The following CENPW variants were observed in gnomAD, a reference collection of about 807,000 sequenced individuals.
The protein encoded by CENPW is cancer-up-regulated gene 2 protein.
Under a neutral mutation model 11.1 loss-of-function variants are expected in CENPW, and 3 were observed. That is an observed-to-expected ratio of 0.27 (90% CI 0.12 to 0.70). CENPW has a LOEUF of 0.70. Among genes scored for constraint, CENPW ranks in the 30% least tolerant of loss-of-function variants. CENPW has a pLI of 0.77. For missense variants in CENPW, 100 were observed against 105.6 expected, an observed-to-expected ratio of 0.95 and a Z score of 0.23; for synonymous variants, 38 against 42.0, an observed-to-expected ratio of 0.91 and a Z score of 0.37.
the CENPW span, among the ~76,000 whole-genome samples, chr6:126,460,399 A>T: frequency 6.6e-6 from 1 of 151,682 alleles, no homozygotes; most frequent in Non-Finnish European, 1.5e-5. Context: ...GGGATTTTTG[A>T]CTTTATTATT....
chr6:126,447,836 T>C, the CENPW span, among the ~76,000 whole-genome samples: 7 of 151,392 alleles, frequency 4.6e-5, no homozygotes, highest in South Asian at 1.5e-3. Flanking sequence ...CTCCTGGAAC[T>C]GGAATCGAGG....
chr6:126,416,382 T>G, the CENPW span, among the ~76,000 whole-genome samples: 1 of 152,068 alleles, frequency 6.6e-6, no homozygotes, highest in Non-Finnish European at 1.5e-5. Context: ...GACAATGTGA[T>G]AGAAAAGAAA....
chr6:126,420,572 C>T, the CENPW span, among the ~76,000 whole-genome samples: 1 of 152,072 alleles, frequency 6.6e-6, no homozygotes, highest in African/African-American at 2.4e-5. Context: ...GTGGGAGAGT[C>T]TATAGGAACT....
chr6:126,372,926 T>A, the CENPW span, among the ~76,000 whole-genome samples: 3 of 152,212 alleles, frequency 2.0e-5, no homozygotes, highest in Non-Finnish European at 4.4e-5. Context: ...AATGTTAGTC[T>A]TAGTCATTTG....
chr6:126,340,510 C>T (rs971014146), intron 1 of CENPW, 111 bp downstream of exon 1: 5 of 1,486,010 alleles, frequency 3.4e-6, no homozygotes, highest in Non-Finnish European at 4.6e-6. Flanking sequence ...TTTCAGGCCC[C>T]TGTTTAAGGC....
At chr6:126,469,851 G>C in the CENPW span, among the ~76,000 whole-genome samples, 1 of 152,202 alleles carries the variant, frequency 6.6e-6, no homozygotes, top group African/African-American at 2.4e-5. Context: ...AGAGTATTTG[G>C]TGGAAGAAAT....
chr6:126,436,681 G>A, the CENPW span, among the ~76,000 whole-genome samples: 1 of 151,836 alleles, frequency 6.6e-6, no homozygotes, highest in African/African-American at 2.4e-5. Flanking sequence ...CCTTTAGAAT[G>A]TTTAAAATCT....
chr6:126,465,090 T>C, the CENPW span, among the ~76,000 whole-genome samples: 2 of 152,068 alleles, frequency 1.3e-5, no homozygotes, highest in Non-Finnish European at 2.9e-5. Context: ...TCACAAAGGA[T>C]ATGATCATTT....
At chr6:126,451,476 G>A in the CENPW span, among the ~76,000 whole-genome samples, 4 of 151,134 alleles carry the variant, frequency 2.6e-5, no homozygotes, top group South Asian at 2.1e-4. Context: ...GTTCCAGCTC[G>A]AGGAAAAGGA....
chr6:126,433,278 T>C, the CENPW span, among the ~76,000 whole-genome samples: 160 of 152,324 alleles, frequency 1.1e-3, 1 homozygote, highest in East Asian at 5.0e-3. Flanking sequence ...TGTCTTTCCC[T>C]CATTTTACTA....
At chr6:126,475,547 G>A in the CENPW span, among the ~76,000 whole-genome samples, 1 of 151,990 alleles carries the variant, frequency 6.6e-6, no homozygotes, top group African/African-American at 2.4e-5. Context: ...CTATAACCTA[G>A]GTAAAATATT....
the CENPW span, among the ~76,000 whole-genome samples, chr6:126,456,426 C>T: frequency 2.0e-5 from 3 of 151,500 alleles, no homozygotes; most frequent in East Asian, 1.9e-4. Context: ...TGATCTTTGA[C>T]AGAGTCAACA....
the CENPW span, among the ~76,000 whole-genome samples, chr6:126,398,866 A>T: frequency 6.6e-6 from 1 of 151,416 alleles, no homozygotes; most frequent in African/African-American, 2.4e-5. Context: ...CTTTATGTCC[A>T]TGTGTAGTCA....
the CENPW span, among the ~76,000 whole-genome samples, chr6:126,440,374 T>A: frequency 1.3e-5 from 2 of 151,658 alleles, no homozygotes; most frequent in Admixed American, 6.6e-5. Context: ...AGAATCTGAC[T>A]CTATTGTATT....
At chr6:126,371,218 G>T in the CENPW span, among the ~76,000 whole-genome samples, 1 of 152,180 alleles carries the variant, frequency 6.6e-6, no homozygotes, top group Non-Finnish European at 1.5e-5. Flanking sequence ...TATGCTGGCT[G>T]TGGGTTTGTC....
the CENPW span, among the ~76,000 whole-genome samples, chr6:126,479,660 T>C: frequency 6.6e-6 from 1 of 152,018 alleles, no homozygotes; most frequent in African/African-American, 2.4e-5. Flanking sequence ...TTTTCTAGAT[T>C]AATTTTCTTT....
At chr6:126,410,639 A>G in the CENPW span, among the ~76,000 whole-genome samples, 3 of 151,164 alleles carry the variant, frequency 2.0e-5, no homozygotes, top group African/African-American at 7.3e-5. Context: ...TATATCAAAT[A>G]TTTGTTTGCT....
chr6:126,436,813 A>T, the CENPW span, among the ~76,000 whole-genome samples: 2 of 151,876 alleles, frequency 1.3e-5, no homozygotes, highest in Non-Finnish European at 2.9e-5. Context: ...AATAGAACTT[A>T]CAGATATGCC....
the CENPW span, among the ~76,000 whole-genome samples, chr6:126,403,981 C>G: frequency 2.0e-4 from 30 of 152,042 alleles, no homozygotes; most frequent in African/African-American, 7.0e-4. Context: ...TGAATCCAAG[C>G]CTCATTTACA....
Sources: allele counts gnomAD v4.1 joint callset (sites outside exome capture counted in the v4.1 genomes callset), GRCh38; gene constraint gnomAD v4.1.1; transcripts MANE v1.5; gene names NCBI Gene and HGNC (gene_info 2026-07-23, HGNC 2026-07-21).